GPM6A: variants seen among roughly 807,000 people sequenced by gnomAD.
GPM6A encodes the protein glycoprotein M6A, also known as neuronal membrane glycoprotein M6-a.
A neutral mutation model predicts 32.1 loss-of-function variants in GPM6A; 7 were observed. The observed-to-expected ratio is 0.22, with a 90% confidence interval of 0.12 to 0.41. GPM6A has a LOEUF of 0.41. GPM6A is among the 10% of genes least tolerant of loss of function. The pLI is 1.00. For missense variants in GPM6A, 235 were observed against 347.2 expected (o/e 0.68, Z 2.57); for synonymous variants, 130 against 123.4 (o/e 1.05, Z -0.35).
intron 1 of GPM6A, among the ~76,000 whole-genome samples, chr4:175,786,413 G>T (rs1733800812): frequency 6.6e-6 from 1 of 151,450 alleles, no homozygotes; most frequent in Non-Finnish European, 1.5e-5. Flanking sequence ...ATCAATTTGG[G>T]CATCTACAAA....
chr4:175,763,332 C>T (rs969637639), intron 1 of GPM6A, among the ~76,000 whole-genome samples: 1 of 152,050 alleles, frequency 6.6e-6, no homozygotes, highest in African/African-American at 2.4e-5. Context: ...TTTTTAAAAG[C>T]CAATCTTTCC....
intron 1 of GPM6A, among the ~76,000 whole-genome samples, chr4:175,720,316 A>C (rs2581761): frequency 6.6e-6 from 1 of 151,946 alleles, no homozygotes; most frequent in Admixed American, 6.6e-5. Context: ...TTTTTATTTC[A>C]TGTTACTAAT....
intron 1 of GPM6A, among the ~76,000 whole-genome samples, chr4:175,775,168 TAGA>T (rs1307053042): frequency 6.6e-6 from 1 of 152,124 alleles, no homozygotes; most frequent in East Asian, 1.9e-4. Context: ...CAAGGCTATA[TAGA>T]AGAAGCATCT....
At chr4:175,652,759 C>T (rs1182396764) in intron 3 of GPM6A, among the ~76,000 whole-genome samples, 1 of 151,938 alleles carries the variant, frequency 6.6e-6, no homozygotes, top group Non-Finnish European at 1.5e-5. Flanking sequence ...ATGGTAAATG[C>T]TGGATAAAAG....
intron 1 of GPM6A, among the ~76,000 whole-genome samples, chr4:175,936,033 C>T (rs950676645): frequency 1.3e-5 from 2 of 151,308 alleles, no homozygotes; most frequent in African/African-American, 4.8e-5. Context: ...CGGCCGGGCA[C>T]GGTGGCTCAC....
intron 1 of GPM6A, among the ~76,000 whole-genome samples, chr4:175,854,031 C>A (rs774192554): frequency 1.1e-4 from 16 of 152,100 alleles, no homozygotes; most frequent in Non-Finnish European, 2.2e-4. Flanking sequence ...TAGGAAAAAG[C>A]ACAAGGAAAG....
rs577143888 is a variant in GPM6A at position 175,643,649 on chromosome 4, G to A, written c.542-2820C>T. On this transcript the variant is annotated intron_variant, in intron 4 of 6. Transcript: ENST00000393658. ...GAGACCCCAACTCACCGCCCACCAA[G>A]GATGTCAGGCCACCATCAGGTGACA... 3.9e-5 allele frequency among the ~76,000 whole-genome samples: 6 copies of A among 152,208 alleles called. No individual in the cohort carries two copies. In the South Asian group the frequency reaches 1.2e-3, roughly 32 times the overall value.
intron 4 of GPM6A, among the ~76,000 whole-genome samples, chr4:175,646,298 C>A (rs1741460184): frequency 6.6e-6 from 1 of 152,150 alleles, no homozygotes; most frequent in South Asian, 2.1e-4. Context: ...CAGTAATTAG[C>A]AATGACACAT....
intron 2 of GPM6A, among the ~76,000 whole-genome samples, chr4:175,697,429 C>T (rs1744642950): frequency 1.3e-5 from 2 of 152,140 alleles, no homozygotes; most frequent in South Asian, 4.1e-4. Flanking sequence ...TCCTCCTCAT[C>T]ACATAGCAGA....
At chr4:175,932,387 C>CG (rs1739080531) in intron 1 of GPM6A, among the ~76,000 whole-genome samples, 2 of 152,192 alleles carry the variant, frequency 1.3e-5, no homozygotes, top group Non-Finnish European at 2.9e-5. Context: ...GATGGAGCAT[C>CG]AAGGCGCCAT....
At chr4:175,877,460 T>A (rs1737121063) in intron 1 of GPM6A, among the ~76,000 whole-genome samples, 1 of 152,132 alleles carries the variant, frequency 6.6e-6, no homozygotes, top group Non-Finnish European at 1.5e-5. Flanking sequence ...GACTCACAGT[T>A]CTTCATGGCT....
At chr4:175,921,117 A>G (rs1738650698) in intron 1 of GPM6A, among the ~76,000 whole-genome samples, 1 of 152,160 alleles carries the variant, frequency 6.6e-6, no homozygotes, top group Non-Finnish European at 1.5e-5. Context: ...TTGGAATTTC[A>G]CACTGAAATC....
intron 1 of GPM6A, among the ~76,000 whole-genome samples, chr4:175,929,260 G>A (rs541447961): frequency 3.3e-5 from 5 of 152,170 alleles, no homozygotes; most frequent in African/African-American, 1.2e-4. Context: ...AAGCAAAAAG[G>A]AACATCCTTA....
At chr4:175,787,624 T>C (rs1733852922) in intron 1 of GPM6A, 4 of 1,308,416 alleles carry the variant, frequency 3.1e-6, no homozygotes, top group Non-Finnish European at 3.9e-6. Context: ...AACCCATGTA[T>C]CTAATTGCTT....
intron 1 of GPM6A, among the ~76,000 whole-genome samples, chr4:175,882,672 C>T (rs1321967655): frequency 6.6e-6 from 1 of 151,830 alleles, no homozygotes; most frequent in Non-Finnish European, 1.5e-5. Context: ...ATAGTATAAA[C>T]CAGGTGCTAT....
chr4:175,687,276 C>G (rs1224963080), intron 2 of GPM6A, among the ~76,000 whole-genome samples: 2 of 152,156 alleles, frequency 1.3e-5, no homozygotes, highest in African/African-American at 4.8e-5. Context: ...ATCATTCAAA[C>G]GTTTTCATCT....
intron 1 of GPM6A, among the ~76,000 whole-genome samples, chr4:175,945,618 A>G (rs1442387603): frequency 6.6e-6 from 1 of 151,456 alleles, no homozygotes; most frequent in Non-Finnish European, 1.5e-5. Context: ...TATAAGAAAC[A>G]TGTTATATAA....
At chr4:175,839,321 AACTAAG>A (rs1464682856) in intron 1 of GPM6A, among the ~76,000 whole-genome samples, 20 of 152,332 alleles carry the variant, frequency 1.3e-4, no homozygotes, top group African/African-American at 4.8e-4. Flanking sequence ...AAACATTTCT[AACTAAG>A]ACTAACATTC....
intron 1 of GPM6A, among the ~76,000 whole-genome samples, chr4:175,776,993 A>G (rs912226897): frequency 7.2e-5 from 11 of 152,242 alleles, no homozygotes; most frequent in African/African-American, 2.7e-4. Context: ...CATTTTATAC[A>G]CACATGGGTG....
Sources: allele counts gnomAD v4.1 joint callset (sites outside exome capture counted in the v4.1 genomes callset), GRCh38; gene constraint gnomAD v4.1.1; transcripts MANE v1.5; gene names NCBI Gene and HGNC (gene_info 2026-07-23, HGNC 2026-07-21).